The following TIAM1 variants were observed in gnomAD, a reference collection of about 807,000 sequenced individuals.
The protein encoded by TIAM1 is TIAM Rac1 associated GEF 1, also known as rho guanine nucleotide exchange factor TIAM1.
A neutral mutation model predicts 163.5 loss-of-function variants in TIAM1; 65 were observed. That is an observed-to-expected ratio of 0.40 (90% CI 0.33 to 0.49). The LOEUF is 0.49. Among genes scored for constraint, TIAM1 ranks in the 20% least tolerant of loss-of-function variants. The pLI is 0.77. For missense variants in TIAM1, 1,789 were observed against 2,044.7 expected (o/e 0.87, Z 2.41); for synonymous variants, 833 against 810.1 (o/e 1.03, Z -0.48).
intron 8 of TIAM1, among the ~76,000 whole-genome samples, chr21:31,220,797 A>G (rs1019041751): frequency 5.3e-5 from 8 of 152,222 alleles, no homozygotes; most frequent in Non-Finnish European, 1.0e-4. Flanking sequence ...GAGTTTCCCA[A>G]TGATCTTTGC....
intron 2 of TIAM1, among the ~76,000 whole-genome samples, chr21:31,410,814 G>T (rs896423752): frequency 6.6e-6 from 1 of 152,030 alleles, no homozygotes; most frequent in Non-Finnish European, 1.5e-5. Context: ...TCCAGTCAAC[G>T]TGAGTCCTCC....
At chr21:31,487,511 C>T (rs1200111061) in intron 1 of TIAM1, among the ~76,000 whole-genome samples, 1 of 151,038 alleles carries the variant, frequency 6.6e-6, no homozygotes, top group African/African-American at 2.4e-5. Context: ...GCTGGGATTA[C>T]AGGTGGCCGC....
In TIAM1 at chr21:31,223,658, C is replaced by G. The variant is rs1001902211; in HGVS notation, c.1810-67G>C. The G allele has an allele frequency of 1.5e-5, 22 of 1,471,076 alleles. No homozygotes were observed. In the African/African-American group the frequency reaches 2.8e-4, roughly 19 times the overall value. The allele number at this position is 1,471,076 out of a possible 1,614,324, so 91.1% of individuals were successfully genotyped here. The stretch of plus-strand genomic sequence containing the variant: ...GGGAAACAAATGCTAATATCTTTAT[C>G]CTATACAGATCTATATGTCGTAAAG... On this transcript the variant is annotated intron_variant, in intron 7 of 27. Transcript: ENST00000541036.
intron 1 of TIAM1, among the ~76,000 whole-genome samples, chr21:31,538,649 C>T (rs1441854423): frequency 2.6e-5 from 4 of 152,134 alleles, no homozygotes; most frequent in Non-Finnish European, 4.4e-5. Context: ...ATGTCATGCA[C>T]GTCCATGTCA....
intron 4 of TIAM1, among the ~76,000 whole-genome samples, chr21:31,255,865 G>A (rs2072070857): frequency 6.6e-6 from 1 of 152,144 alleles, no homozygotes; most frequent in South Asian, 2.1e-4. Flanking sequence ...AACATTCACA[G>A]GGCCGAGAGG....
intron 11 of TIAM1, among the ~76,000 whole-genome samples, chr21:31,208,949 T>C (rs2086584609): frequency 6.7e-6 from 1 of 148,712 alleles, no homozygotes; most frequent in Non-Finnish European, 1.5e-5. Context: ...TAGAAAAGTT[T>C]TTCATTTTTT....
At chr21:31,363,678 G>GATTCATGAAA (rs2076447271) in intron 2 of TIAM1, among the ~76,000 whole-genome samples, 1 of 152,042 alleles carries the variant, frequency 6.6e-6, no homozygotes, top group East Asian at 1.9e-4. Context: ...CACGATGAAT[G>GATTCATGAAA]TCTTAGATTT....
At chr21:31,416,792 A>G (rs532081138) in intron 2 of TIAM1, among the ~76,000 whole-genome samples, 6 of 152,222 alleles carry the variant, frequency 3.9e-5, no homozygotes, top group Non-Finnish European at 7.3e-5. Flanking sequence ...CTTTGCTTAC[A>G]TGACACATAT....
At chr21:31,542,089 C>G (rs995628761) in intron 1 of TIAM1, among the ~76,000 whole-genome samples, 4 of 152,174 alleles carry the variant, frequency 2.6e-5, no homozygotes, top group African/African-American at 9.7e-5. Context: ...TCAAGCCAGG[C>G]TCCTCCCATG....
intron 2 of TIAM1, among the ~76,000 whole-genome samples, chr21:31,355,394 G>C (rs2076298967): frequency 6.6e-6 from 1 of 152,054 alleles, no homozygotes. Context: ...GGTAACCTTA[G>C]ACTTGAGGTC....
intron 2 of TIAM1, among the ~76,000 whole-genome samples, chr21:31,381,762 G>A (rs1295011068): frequency 6.6e-6 from 1 of 152,120 alleles, no homozygotes; most frequent in Non-Finnish European, 1.5e-5. Context: ...AGGCTGGGAG[G>A]TCGAGGCTGC....
At chr21:31,405,893 A>G (rs2077239256) in intron 2 of TIAM1, among the ~76,000 whole-genome samples, 2 of 152,172 alleles carry the variant, frequency 1.3e-5, no homozygotes, top group Non-Finnish European at 2.9e-5. Flanking sequence ...TAAGAAAAGC[A>G]AAACCAAGTC....
At chr21:31,388,066 A>G (rs926491387) in intron 2 of TIAM1, among the ~76,000 whole-genome samples, 3 of 151,978 alleles carry the variant, frequency 2.0e-5, no homozygotes, top group African/African-American at 4.8e-5. Flanking sequence ...CGTCACAATT[A>G]TAGGTTTCCT....
chr21:31,210,270 A>G (rs1016116484), intron 10 of TIAM1, 55 bp from the exon 11 acceptor site: 27 of 1,574,894 alleles, frequency 1.7e-5, no homozygotes, highest in Non-Finnish European at 2.3e-5. Context: ...TGACAACCCT[A>G]GATTCCCAGA....
At chr21:31,162,767 G>A (rs973461534) in intron 16 of TIAM1, among the ~76,000 whole-genome samples, 2 of 151,434 alleles carry the variant, frequency 1.3e-5, no homozygotes, top group Non-Finnish European at 2.9e-5. Context: ...TCAGCCTCCC[G>A]AGTAGCTTGT....
intron 12 of TIAM1, among the ~76,000 whole-genome samples, chr21:31,196,784 C>T (rs1001745728): frequency 3.3e-5 from 5 of 152,132 alleles, no homozygotes; most frequent in African/African-American, 4.8e-5. Context: ...CAAAAAGACA[C>T]GTGCACTGTA....
intron 5 of TIAM1, among the ~76,000 whole-genome samples, chr21:31,250,741 G>C (rs879502222): frequency 6.6e-6 from 1 of 152,134 alleles, no homozygotes; most frequent in Non-Finnish European, 1.5e-5. Context: ...TTTGAGAAGT[G>C]TTTTTCCTTT....
Position 31,266,922 on chromosome 21 carries a change from C to A in TIAM1, c.51G>T (p.Lys17Asn), listed in dbSNP as rs780940232. ...TGTGCTTGCGCCCCAGGCTGGCATG[C>A]TTTTCTCCATAAAACTCGTGCTCTA... is the stretch of plus-strand genomic sequence containing the variant. ...QHVEHEFYGEKHASLGRKHTS... is the reference protein window; with the variant it reads ...QHVEHEFYGENHASLGRKHTS... The change falls in exon 4 of 28, where the codon AAG becomes AAT. Residue 17 changes from lysine (K) to asparagine (N), a missense_variant. This residue lies in a region of TIAM1 where 555 missense variants were observed against 564.9 expected (regional missense o/e 0.98). Coordinates refer to ENST00000541036, the MANE Select transcript of TIAM1 (RefSeq NM_001353694.2). 2 of 1,611,358 alleles carry A rather than the reference C, an allele frequency of 1.2e-6. No individual in the cohort carries two copies.
chr21:31,265,283 C>T (rs924513184), intron 4 of TIAM1, among the ~76,000 whole-genome samples: 5 of 148,966 alleles, frequency 3.4e-5, no homozygotes, highest in Admixed American at 2.0e-4. Context: ...TTCCTCCCCA[C>T]GGTTTCGTGC....
Sources: allele counts gnomAD v4.1 joint callset (sites outside exome capture counted in the v4.1 genomes callset), GRCh38; gene constraint gnomAD v4.1.1; regional missense constraint gnomAD v4.1.1; transcripts MANE v1.5; gene names NCBI Gene and HGNC (gene_info 2026-07-23, HGNC 2026-07-21).